The following AP3S1 variants were observed in gnomAD, a reference collection of about 807,000 sequenced individuals.
AP3S1 encodes adaptor related protein complex 3 subunit sigma 1.
In AP3S1, 12 loss-of-function variants were observed where a neutral mutation model predicts 21.3. The observed-to-expected ratio is 0.56, with a 90% CI of 0.36 to 0.91. The LOEUF is 0.91. Among genes scored for constraint, AP3S1 ranks in the 40% least tolerant of loss-of-function variants. AP3S1 has a pLI of 0.01. For synonymous variants in AP3S1, 48 were observed against 78.4 expected (o/e 0.61, Z 2.05); for missense variants, 116 against 225.0 (o/e 0.52, Z 3.10).
At chr5:115,893,754 A>G (rs994446562) in intron 3 of AP3S1, among the ~76,000 whole-genome samples, 3 of 152,212 alleles carry the variant, frequency 2.0e-5, no homozygotes, top group East Asian at 1.9e-4. Context: ...ATTCATTTCA[A>G]TAAACTAGGG....
At chr5:115,875,406 T>G (rs1580677355) in intron 3 of AP3S1, among the ~76,000 whole-genome samples, 1 of 152,158 alleles carries the variant, frequency 6.6e-6, no homozygotes, top group East Asian at 1.9e-4. Flanking sequence ...GCCCACCCAA[T>G]TATGGTTCTC....
At chr5:115,848,473 A>G (rs189653305) in intron 1 of AP3S1, among the ~76,000 whole-genome samples, 30 of 152,372 alleles carry the variant, frequency 2.0e-4, no homozygotes, top group Admixed American at 1.7e-3. Flanking sequence ...TGGTAATAGC[A>G]CATTAATAAT....
At chr5:115,874,073 C>G (rs1748502090) in intron 3 of AP3S1, among the ~76,000 whole-genome samples, 1 of 152,016 alleles carries the variant, frequency 6.6e-6, no homozygotes, top group Non-Finnish European at 1.5e-5. Context: ...ATTTACACCG[C>G]TATTCCACCA....
At chr5:115,875,390 A>C (rs1195017930) in intron 3 of AP3S1, among the ~76,000 whole-genome samples, 3 of 152,196 alleles carry the variant, frequency 2.0e-5, no homozygotes, top group African/African-American at 7.2e-5. Flanking sequence ...TGGTGTGCCG[A>C]TGAAGGCCCA....
chr5:115,904,446 A>G (rs1751475553), intron 5 of AP3S1, among the ~76,000 whole-genome samples: 3 of 152,210 alleles, frequency 2.0e-5, no homozygotes, highest in South Asian at 2.1e-4. Context: ...AACATTTTCC[A>G]GTGTTCTCTT....
rs116062167 is a variant in AP3S1, at chr5:115,860,726, C to T, written c.70-5944C>T. 3.1e-3 allele frequency among the ~76,000 whole-genome samples: 469 copies of T among 152,258 alleles called. 1 individual carries two copies. The highest frequency in any genetic ancestry group is 0.01 in the African/African-American group (433 of 41,536). On this transcript the variant is annotated intron_variant, in intron 1 of 5. Coordinates refer to ENST00000316788, the MANE Select transcript of AP3S1 (RefSeq NM_001284.4). ...TTCAAGATTTTGTTGTTGTTGTCTT[C>T]CTTTCCCATTCTCCTCATCCTTGTG...
chr5:115,911,369 TAATAA>T (rs1478971175), intron 5 of AP3S1, among the ~76,000 whole-genome samples: 5 of 151,830 alleles, frequency 3.3e-5, no homozygotes, highest in Admixed American at 3.3e-4. Flanking sequence ...TCTCTCACAA[TAATAA>T]AATCCCTTAA....
chr5:115,873,512 G>C (rs972497319), intron 3 of AP3S1, among the ~76,000 whole-genome samples: 2 of 152,104 alleles, frequency 1.3e-5, no homozygotes, highest in Non-Finnish European at 2.9e-5. Context: ...TCACCTTATA[G>C]GTACTATGTC....
intron 3 of AP3S1, among the ~76,000 whole-genome samples, chr5:115,886,203 G>A (rs890849180): frequency 9.9e-5 from 15 of 152,138 alleles, no homozygotes; most frequent in African/African-American, 3.4e-4. Context: ...TATACTTAAA[G>A]CAGTCGGAAC....
At chr5:115,872,858 T>G (rs1390672386) in intron 3 of AP3S1, among the ~76,000 whole-genome samples, 1 of 152,198 alleles carries the variant, frequency 6.6e-6, no homozygotes, top group East Asian at 1.9e-4. Flanking sequence ...GAGAGCATTA[T>G]ATTTTTACAG....
chr5:115,884,847 A>G (rs1749640686), intron 3 of AP3S1, among the ~76,000 whole-genome samples: 1 of 152,134 alleles, frequency 6.6e-6, no homozygotes, highest in Non-Finnish European at 1.5e-5. Context: ...TGAGGTTATT[A>G]CATGTTGACT....
intron 3 of AP3S1, among the ~76,000 whole-genome samples, chr5:115,885,552 C>T (rs1361028843): frequency 1.3e-5 from 2 of 152,168 alleles, no homozygotes; most frequent in Non-Finnish European, 2.9e-5. Flanking sequence ...CTTCTTTTGC[C>T]TGCTTTGTTC....
chr5:115,887,307 A>T (rs558716275), intron 3 of AP3S1, among the ~76,000 whole-genome samples: 1 of 151,916 alleles, frequency 6.6e-6, no homozygotes, highest in Non-Finnish European at 1.5e-5. Context: ...CCTTAAATTT[A>T]TGCCTCCTAT....
chr5:115,844,254 T>C (rs887087798), intron 1 of AP3S1, among the ~76,000 whole-genome samples: 1 of 152,204 alleles, frequency 6.6e-6, no homozygotes, highest in Non-Finnish European at 1.5e-5. Context: ...AGGCACTGTT[T>C]TAAAATCTGA....
chr5:115,861,681 A>T (rs920275339), intron 1 of AP3S1, among the ~76,000 whole-genome samples: 2 of 151,812 alleles, frequency 1.3e-5, no homozygotes, highest in Non-Finnish European at 2.9e-5. Context: ...CAGCCTCCCA[A>T]GTAGCTGGGA....
At chr5:115,845,548 T>C (rs1761992365) in intron 1 of AP3S1, among the ~76,000 whole-genome samples, 1 of 151,944 alleles carries the variant, frequency 6.6e-6, no homozygotes, top group South Asian at 2.1e-4. Context: ...CGAATTCAAG[T>C]GTGGGCTGGG....
At chr5:115,846,254 C>T (rs1289724386) in intron 1 of AP3S1, among the ~76,000 whole-genome samples, 2 of 152,178 alleles carry the variant, frequency 1.3e-5, no homozygotes, top group Non-Finnish European at 2.9e-5. Flanking sequence ...AACACTCCTC[C>T]AGCTTTGGCT....
intron 4 of AP3S1, among the ~76,000 whole-genome samples, chr5:115,899,656 T>C (rs77931059): frequency 0.031 from 4,726 of 151,980 alleles, 274 homozygotes; most frequent in African/African-American, 0.11. Flanking sequence ...TTGAAAAGAG[T>C]TTTTCAGACT....
chr5:115,866,848 C>G (rs948294549), intron 2 of AP3S1, 87 bp downstream of exon 2: 13 of 768,562 alleles, frequency 1.7e-5, no homozygotes, highest in Admixed American at 3.7e-5. Context: ...TAAAAGTTTT[C>G]TACTTTTGAT....
Sources: gnomAD v4.1 joint callset for allele counts (sites outside exome capture counted in the v4.1 genomes callset) on GRCh38, gnomAD v4.1.1 for gene constraint, MANE v1.5 for transcripts, NCBI Gene and HGNC (gene_info 2026-07-23, HGNC 2026-07-21) for gene names.